The following NDN variants were observed in gnomAD, a reference collection of about 807,000 sequenced individuals.
The protein encoded by NDN is necdin, MAGE family member.
For synonymous variants in NDN, 245 were observed against 189.4 expected (o/e 1.29, Z -2.41); for missense variants, 465 against 440.4 (o/e 1.06, Z -0.50).
At position 23,687,010 on chromosome 15, in the gene NDN, G is replaced by C; in HGVS notation, c.208C>G (p.Leu70Val). Reference sequence around the variant, plus strand: ...CGGCCCTCCTCCGCAGCCTGCTGCAGGGCCTTCGGGTCGCCCTCGTCGTTC... The same window carrying C: ...CGGCCCTCCTCCGCAGCCTGCTGCACGGCCTTCGGGTCGCCCTCGTCGTTC... Reference protein sequence around the residue: ...APNDEGDPKALQQAAEEGRAH... With the variant: ...APNDEGDPKAVQQAAEEGRAH... The change falls in exon 1 of 1, where the codon CTG becomes GTG. Residue 70 changes from leucine to valine, a missense_variant. Transcript: ENST00000649030. 1 of 1,460,774 alleles carries C rather than the reference G, an allele frequency of 6.8e-7. No individual in the cohort carries two copies. 90.5% of individuals were successfully genotyped at this position (1,460,774 alleles called of 1,614,324 possible). A position where few individuals can be genotyped will look rare whatever the true frequency, so the allele number is the denominator to read the frequency against.
chr15:23,687,030 T>C lies in NDN; in HGVS notation c.188A>G (p.Asp63Gly). 3 of 1,490,678 alleles carry C rather than the reference T, an allele frequency of 2.0e-6. 1 individual carries two copies. In the East Asian group the frequency reaches 8.3e-5, roughly 41 times the overall value. The allele number at this position is 1,490,678 out of a possible 1,614,324, so 92.3% of individuals were successfully genotyped here. A position where few individuals can be genotyped will look rare whatever the true frequency, so the allele number is the denominator to read the frequency against. The change falls in exon 1 of 1, where the codon GAC becomes GGC. Residue 63 changes from aspartate to glycine, a missense_variant. Transcript: ENST00000649030. ...QAAPPPQAPN[D>G]EGDPKALQQA... is the part of the protein sequence containing the mutation. ...CTGCAGGGCCTTCGGGTCGCCCTCG[T>C]CGTTCGGGGCCTGGGGAGGCGGCGC...
rs1215274922 is a variant in NDN, at chr15:23,686,594, G to A, written c.624C>T (p.Ser208=). ...IYVKGRGARE[S]AVWNVLRILG... ...GGATGCGCAGCACGTTCCAGACGGCGCTCTCTCTGGCGCCGCGGCCCTTCA... is the reference window on the plus strand; with the variant it reads ...GGATGCGCAGCACGTTCCAGACGGCACTCTCTCTGGCGCCGCGGCCCTTCA... The change falls in exon 1 of 1, where the codon AGC becomes AGT. Residue 208 remains serine, a synonymous_variant. Transcript: ENST00000649030. 4.3e-6 allele frequency: 7 copies of A among 1,613,180 alleles called. No homozygotes were observed. Among genetic ancestry groups the A allele is most frequent in the Admixed American group, 1.7e-5 (1 of 60,016 alleles).
In NDN at chr15:23,686,872, T is replaced by C. The variant is rs1891157172; in HGVS notation, c.346A>G (p.Lys116Glu). 1 of 1,613,960 alleles carries C rather than the reference T, an allele frequency of 6.2e-7. No individual in the cohort carries two copies. Among genetic ancestry groups the C allele is most frequent in the South Asian group, 1.1e-5 (1 of 91,090 alleles). Residue 116 changes from lysine to glutamate, a missense_variant, in exon 1 of 1, where the codon AAG (lysine) becomes GAG (glutamate). Lys to Glu is a moderately conservative substitution (Grantham distance 56). Transcript: ENST00000649030. Reference protein sequence around the residue: ...MWYVLVKDQKKMIIWFPDMVK... With the variant: ...MWYVLVKDQKEMIIWFPDMVK... ...ATGTCTGGAAACCAGATGATCATCTTCTTCTGGTCCTTGACCAGCACGTAC... is the reference window on the plus strand; with the variant it reads ...ATGTCTGGAAACCAGATGATCATCTCCTTCTGGTCCTTGACCAGCACGTAC...
rs371136148 is a variant in NDN at position 23,686,353 on chromosome 15, C to G, written c.865G>C (p.Ala289Pro). 1 of 1,593,778 alleles carries G rather than the reference C, an allele frequency of 6.3e-7. No homozygotes were observed. The highest frequency in any genetic ancestry group is 8.5e-7 in the Non-Finnish European group (1 of 1,169,654). ...GCTTCTCTGTATCGGGAGGGCCAGG[C>G]CTGGGGGTCTTTCTTAAAGACCCTG... ...LARVFKKDPQ[A>P]WPSRYREALE... Residue 289 changes from alanine (A) to proline (P), a missense_variant, in exon 1 of 1, where the codon GCC becomes CCC. Ala to Pro is a conservative substitution (Grantham distance 27, BLOSUM62 -1). Coordinates refer to ENST00000649030, the MANE Select transcript of NDN (RefSeq NM_002487.3).
rs1167901621 is a variant in NDN, at chr15:23,686,282, G to A, written c.936C>T (p.His312=). ...CCTCAGAGACACTGCTGCGAGGGTA[G>A]TGGGCAGTGGGATTAGCCTCCCGCA... is the stretch of plus-strand genomic sequence containing the variant. ...RALREANPTA[H]YPRSSVSED is the part of the protein sequence containing the mutation. The change falls in exon 1 of 1, where the codon CAC becomes CAT. Residue 312 remains histidine (H), a synonymous_variant. Coordinates refer to ENST00000649030, the MANE Select transcript of NDN (RefSeq NM_002487.3). 1 of 1,512,894 alleles carries A rather than the reference G, an allele frequency of 6.6e-7. No individual in the cohort carries two copies. The highest frequency in any genetic ancestry group is 8.8e-7 in the Non-Finnish European group (1 of 1,132,128). The allele number at this position is 1,512,894 out of a possible 1,614,324, so 93.7% of individuals were successfully genotyped here.
At position 23,686,574 on chromosome 15, in the gene NDN, C is replaced by G; in HGVS notation, c.644G>C (p.Arg215Pro). Residue 215 changes from arginine (R) to proline (P), a missense_variant, in exon 1 of 1, where the codon CGC (arginine) becomes CCC (proline). Arg to Pro is a moderately radical substitution (Grantham distance 103). Transcript: ENST00000649030. ...ARESAVWNVL[R>P]ILGLRPWKKH... ...CTTCCAGGGCCGCAGCCCCAGGATG[C>G]GCAGCACGTTCCAGACGGCGCTCTC... 1 of 1,613,268 alleles carries G rather than the reference C, an allele frequency of 6.2e-7. No individual in the cohort carries two copies. Among genetic ancestry groups the G allele is most frequent in the Non-Finnish European group, 8.5e-7 (1 of 1,179,936 alleles).
rs1239896959 is a variant in NDN, at chr15:23,686,088, C to CA, written c.*163dup. On this transcript the variant is annotated 3_prime_UTR_variant, in exon 1 of 1. Coordinates refer to ENST00000649030, the MANE Select transcript of NDN (RefSeq NM_002487.3). ...ATCCTAAATACTACACAATAGTACC[C>CA]AAATGAATACAACATTGCATTAAAG... is the stretch of plus-strand genomic sequence containing the variant. The CA allele has an allele frequency of 1.3e-5, 10 of 776,890 alleles. No individual in the cohort carries two copies. In the East Asian group the frequency reaches 2.9e-4, roughly 22 times the overall value. The allele number at this position is 776,890 out of a possible 1,614,324, so 48.1% of individuals were successfully genotyped here.
Position 23,686,162 on chromosome 15 carries a change from A to G in NDN, c.*90T>C. The G allele has an allele frequency of 7.0e-7, 1 of 1,432,878 alleles. No homozygotes were observed. The highest frequency in any genetic ancestry group is 1.4e-5 in the African/African-American group (1 of 70,422). 88.8% of individuals were successfully genotyped at this position (1,432,878 alleles called of 1,614,324 possible). The stretch of plus-strand genomic sequence containing the variant: ...CTTAAAAGTTACACGTGAATACTGC[A>G]CTGTAAATCCTGAATACTATAATGA... On this transcript the variant is annotated 3_prime_UTR_variant, in exon 1 of 1. Transcript: ENST00000649030.
rs777152597 is a variant in NDN at position 23,685,519 on chromosome 15, T to C, written c.*733A>G. 4 of 152,208 alleles carry C rather than the reference T, an allele frequency of 2.6e-5. No individual in the cohort carries two copies. The highest frequency in any genetic ancestry group is 7.2e-5 in the African/African-American group (3 of 41,454). 9.4% of individuals were successfully genotyped at this position (152,208 alleles called of 1,614,324 possible). On this transcript the variant is annotated 3_prime_UTR_variant, in exon 1 of 1. Coordinates refer to ENST00000649030, the MANE Select transcript of NDN (RefSeq NM_002487.3). ...AAACATGAGTTACATTTAAAGACAA[T>C]AGAACTATAAACTTCACAAATTTAG... is the stretch of plus-strand genomic sequence containing the variant.
rs750165066 is a variant in NDN at position 23,686,797 on chromosome 15, G to T, written c.421C>A (p.Arg141=). 2 of 1,613,962 alleles carry T rather than the reference G, an allele frequency of 1.2e-6. No individual in the cohort carries two copies. Among genetic ancestry groups the T allele is most frequent in the Admixed American group, 3.3e-5 (2 of 60,028 alleles). The change falls in exon 1 of 1, where the codon CGG becomes AGG. Residue 141 remains arginine (R), a synonymous_variant. Coordinates refer to ENST00000649030, the MANE Select transcript of NDN (RefSeq NM_002487.3). ...SYKKWCRSIL[R]RTSLILARVF... Reference sequence around the variant, plus strand: ...CGGGCGAGGATGAGGCTGGTGCGCCGGAGGATGCTCCTGCACCACTTCTTG... The same window carrying T: ...CGGGCGAGGATGAGGCTGGTGCGCCTGAGGATGCTCCTGCACCACTTCTTG...
In NDN at chr15:23,686,799, A is replaced by C. The variant is rs1345644400; in HGVS notation, c.419T>G (p.Leu140Arg). ...GGCGAGGATGAGGCTGGTGCGCCGGAGGATGCTCCTGCACCACTTCTTGTA... is the reference window on the plus strand; with the variant it reads ...GGCGAGGATGAGGCTGGTGCGCCGGCGGATGCTCCTGCACCACTTCTTGTA... ...GSYKKWCRSI[L>R]RRTSLILARV... Residue 140 changes from leucine to arginine, a missense_variant, in exon 1 of 1, where the codon CTC becomes CGC. Leu to Arg is a moderately radical substitution (Grantham distance 102, BLOSUM62 -2). Coordinates refer to ENST00000649030, the MANE Select transcript of NDN (RefSeq NM_002487.3). 4.3e-6 allele frequency: 7 copies of C among 1,613,858 alleles called. No homozygotes were observed. Among genetic ancestry groups the C allele is most frequent in the South Asian group, 1.1e-5 (1 of 91,090 alleles).
chr15:23,686,826 C>G lies in NDN; in HGVS notation c.392G>C (p.Ser131Thr), dbSNP rs1891155562. The G allele has an allele frequency of 6.2e-7, 1 of 1,614,052 alleles. No individual in the cohort carries two copies. Among genetic ancestry groups the G allele is most frequent in the Admixed American group, 1.7e-5 (1 of 60,008 alleles). Residue 131 changes from serine (S) to threonine (T), a missense_variant, in exon 1 of 1, where the codon AGC (serine) becomes ACC (threonine). Transcript: ENST00000649030. Reference protein sequence around the residue: ...FPDMVKDVIGSYKKWCRSILR... With the variant: ...FPDMVKDVIGTYKKWCRSILR... ...GATGCTCCTGCACCACTTCTTGTAG[C>G]TGCCGATGACATCTTTCACCATGTC... is the stretch of plus-strand genomic sequence containing the variant.
Position 23,686,140 on chromosome 15 carries a change from A to G in NDN, c.*112T>C, listed in dbSNP as rs560525291. 8 of 1,334,712 alleles carry G rather than the reference A, an allele frequency of 6.0e-6. No homozygotes were observed. Among genetic ancestry groups the G allele is most frequent in the Admixed American group, 2.7e-5 (1 of 37,266 alleles). The allele number at this position is 1,334,712 out of a possible 1,614,324, so 82.7% of individuals were successfully genotyped here. ...TATAAAAGCACTGTACTGAAAACTT[A>G]AAAGTTACACGTGAATACTGCACTG... On this transcript the variant is annotated 3_prime_UTR_variant, in exon 1 of 1. Transcript: ENST00000649030.
In NDN at chr15:23,687,259, G is replaced by T; in HGVS notation, c.-42C>A. The T allele has an allele frequency of 7.3e-7, 1 of 1,372,902 alleles. No homozygotes were observed. The highest frequency in any genetic ancestry group is 9.5e-7 in the Non-Finnish European group (1 of 1,056,856). 85.0% of individuals were successfully genotyped at this position (1,372,902 alleles called of 1,614,324 possible). ...AAGGGCAGGGCCTCTGCGTCCAGGA[G>T]CTCTTCGAGCCTGCGCTCCCTCCGC... On this transcript the variant is annotated 5_prime_UTR_variant, in exon 1 of 1. Coordinates refer to ENST00000649030, the MANE Select transcript of NDN (RefSeq NM_002487.3).
At position 23,686,442 on chromosome 15, in the gene NDN, T is replaced by A; in HGVS notation, c.776A>T (p.Glu259Val). 1 of 1,609,530 alleles carries A rather than the reference T, an allele frequency of 6.2e-7. No homozygotes were observed. Among genetic ancestry groups the A allele is most frequent in the South Asian group, 1.1e-5 (1 of 90,702 alleles). ...RVPYVEPPEYEFFWGSRASRE... is the reference protein window; with the variant it reads ...RVPYVEPPEYVFFWGSRASRE... ...GCTGGCCCGGGAGCCCCAAAAGAAC[T>A]CGTATTCGGGCGGCTCCACGTATGG... The change falls in exon 1 of 1, where the codon GAG (glutamate) becomes GTG (valine). Residue 259 changes from glutamate (E) to valine (V), a missense_variant. By Grantham distance (121) the Glu-to-Val change is moderately radical (BLOSUM62 -2). Coordinates refer to ENST00000649030, the MANE Select transcript of NDN (RefSeq NM_002487.3).
chr15:23,687,187 G>A lies in NDN; in HGVS notation c.31C>T (p.Pro11Ser). 6.6e-7 allele frequency: 1 copy of A among 1,523,252 alleles called. No individual in the cohort carries two copies. Among genetic ancestry groups the A allele is most frequent in the Non-Finnish European group, 8.8e-7 (1 of 1,139,262 alleles). The allele number at this position is 1,523,252 out of a possible 1,614,324, so 94.4% of individuals were successfully genotyped here. A position where few individuals can be genotyped will look rare whatever the true frequency, so the allele number is the denominator to read the frequency against. ...TTGGGGGCCTCGGCTGCAAAGTTAG[G>A]GTCGCTCAGATCCTTACTTTGTTCT... MSEQSKDLSD[P>S]NFAAEAPNSE... is the part of the protein sequence containing the mutation. The change falls in exon 1 of 1, where the codon CCT becomes TCT. Residue 11 changes from proline to serine, a missense_variant. Transcript: ENST00000649030.
rs769323151 is a variant in NDN at position 23,686,486 on chromosome 15, G to A, written c.732C>T (p.Tyr244=). The A allele has an allele frequency of 1.2e-6, 2 of 1,613,552 alleles. No homozygotes were observed. The highest frequency in any genetic ancestry group is 1.1e-5 in the South Asian group (1 of 91,076). ...CGTATGGGACGCGCTGGTACTTCAG[G>A]TAATTCATTTGGACGAACTCCTCAG... ...LITEEFVQMN[Y]LKYQRVPYVE... Residue 244 remains tyrosine, a synonymous_variant, in exon 1 of 1, where the codon TAC becomes TAT. Transcript: ENST00000649030.
Position 23,686,145 on chromosome 15 carries a change from T to C in NDN, c.*107A>G. 1.5e-6 allele frequency: 2 copies of C among 1,354,076 alleles called. No individual in the cohort carries two copies. The highest frequency in any genetic ancestry group is 2.0e-6 in the Non-Finnish European group (2 of 1,023,732). 83.9% of individuals were successfully genotyped at this position (1,354,076 alleles called of 1,614,324 possible). ...AAGCACTGTACTGAAAACTTAAAAG[T>C]TACACGTGAATACTGCACTGTAAAT... is the stretch of plus-strand genomic sequence containing the variant. On this transcript the variant is annotated 3_prime_UTR_variant, in exon 1 of 1. Coordinates refer to ENST00000649030, the MANE Select transcript of NDN (RefSeq NM_002487.3).
Position 23,686,963 on chromosome 15 carries a change from C to T in NDN, c.255G>A (p.Ala85=), listed in dbSNP as rs762568781. The T allele has an allele frequency of 1.3e-6, 2 of 1,582,526 alleles. No individual in the cohort carries two copies. Among genetic ancestry groups the T allele is most frequent in the Admixed American group, 1.8e-5 (1 of 55,140 alleles). The change falls in exon 1 of 1, where the codon GCG becomes GCA. Residue 85 remains alanine, a synonymous_variant. Transcript: ENST00000649030. ...CTGGCGGTGCCGGGCCCGGCTGGGC[C>T]GCGCTCGGGGCCTGGTGGGCGCGGC... ...EEGRAHQAPS[A]AQPGPAPPAP...
Sources: gnomAD v4.1 joint callset for allele counts on GRCh38, gnomAD v4.1.1 for gene constraint, MANE v1.5 for transcripts, NCBI Gene and HGNC (gene_info 2026-07-23, HGNC 2026-07-21) for gene names.